Variants in AUTS2 observed in about 807,000 individuals in gnomAD.
The protein encoded by AUTS2 is activator of transcription and developmental regulator AUTS2, also known as autism susceptibility gene 2 protein.
A neutral mutation model predicts 112.4 loss-of-function variants in AUTS2; 17 were observed. The ratio of observed to expected loss-of-function variants is 0.15; its 90% CI spans 0.10 to 0.23. The LOEUF is 0.23. AUTS2 is among the 10% of genes least tolerant of loss of function. The pLI is 1.00. For missense variants in AUTS2, 1,510 were observed against 1,701.6 expected (o/e 0.89, Z 1.98); for synonymous variants, 751 against 702.7 (o/e 1.07, Z -1.09).
intron 5 of AUTS2, among the ~76,000 whole-genome samples, chr7:70,688,346 C>T (rs1808572605): frequency 6.6e-6 from 1 of 152,166 alleles, no homozygotes; most frequent in Admixed American, 6.5e-5. Flanking sequence ...GTTCAGAAGG[C>T]ATGGCTCGGG....
chr7:70,768,953 T>TCAA (rs1232566342), intron 10 of AUTS2, among the ~76,000 whole-genome samples: 2 of 148,898 alleles, frequency 1.3e-5, no homozygotes, highest in Admixed American at 6.8e-5. Flanking sequence ...TTCACCATAC[T>TCAA]CAACTGTTCT....
At chr7:70,401,910 G>C (rs946586035) in intron 4 of AUTS2, among the ~76,000 whole-genome samples, 27 of 152,346 alleles carry the variant, frequency 1.8e-4, no homozygotes, top group African/African-American at 6.5e-4. Flanking sequence ...ACAAAATCCA[G>C]TGTCTTTTGA....
At chr7:70,193,354 T>C (rs1810003874) in intron 4 of AUTS2, among the ~76,000 whole-genome samples, 1 of 152,172 alleles carries the variant, frequency 6.6e-6, no homozygotes, top group African/African-American at 2.4e-5. Flanking sequence ...AAAATGCAAA[T>C]AGATTTGTAT....
chr7:70,040,088 A>G (rs1801180161), intron 2 of AUTS2, among the ~76,000 whole-genome samples: 1 of 152,228 alleles, frequency 6.6e-6, no homozygotes, highest in Non-Finnish European at 1.5e-5. Context: ...ATGGATAGGC[A>G]GAGTGGAGAG....
intron 5 of AUTS2, among the ~76,000 whole-genome samples, chr7:70,639,167 G>A (rs1050691908): frequency 6.6e-6 from 1 of 152,170 alleles, no homozygotes; most frequent in Middle Eastern, 3.4e-3. Context: ...CCCCGCTGCC[G>A]CCGCCACCAC....
At chr7:70,049,520 G>A (rs1438026166) in intron 2 of AUTS2, among the ~76,000 whole-genome samples, 1 of 151,982 alleles carries the variant, frequency 6.6e-6, no homozygotes, top group Admixed American at 6.6e-5. Context: ...AGTAGGGACA[G>A]AGTTTCACTA....
At chr7:69,794,508 G>A (rs796456744) in intron 1 of AUTS2, among the ~76,000 whole-genome samples, 8 of 152,282 alleles carry the variant, frequency 5.3e-5, no homozygotes, top group African/African-American at 1.9e-4. Flanking sequence ...ACTAAGGACT[G>A]TACTTTATCT....
At chr7:70,335,973 A>AT (rs1378439534) in intron 4 of AUTS2, among the ~76,000 whole-genome samples, 1 of 152,220 alleles carries the variant, frequency 6.6e-6, no homozygotes, top group Non-Finnish European at 1.5e-5. Flanking sequence ...CAATTCTTTA[A>AT]TTGCAGCAAG....
intron 1 of AUTS2, among the ~76,000 whole-genome samples, chr7:69,647,670 TC>T (rs1795090374): frequency 6.6e-6 from 1 of 152,238 alleles, no homozygotes; most frequent in African/African-American, 2.4e-5. Flanking sequence ...TCAGTGCCAC[TC>T]TTAATAGAAG....
chr7:69,663,761 G>T (rs905291797), intron 1 of AUTS2, among the ~76,000 whole-genome samples: 2 of 152,122 alleles, frequency 1.3e-5, no homozygotes, highest in African/African-American at 4.8e-5. Context: ...CCAATCTGAA[G>T]GTATAGTGAT....
chr7:69,961,207 A>T (rs1233118162), intron 2 of AUTS2, among the ~76,000 whole-genome samples: 2 of 152,154 alleles, frequency 1.3e-5, no homozygotes, highest in Non-Finnish European at 2.9e-5. Flanking sequence ...TCTTGAATGT[A>T]ACTGGTAAGG....
chr7:69,782,615 G>A lies in AUTS2; in HGVS notation c.310-116671G>A, dbSNP rs553206759. ...CAAAGTCCCTGGTTGGTATGCACTC[G>A]AGAACTGAAAGATAATTTTCTTCTT... On this transcript the variant is annotated intron_variant, in intron 1 of 18. Transcript: ENST00000342771. Among the ~76,000 whole-genome samples, 7 of 151,944 alleles carry A rather than the reference G, an allele frequency of 4.6e-5. No individual in the cohort carries two copies. In the South Asian group the frequency reaches 8.3e-4, roughly 18 times the overall value.
rs1015912914 is a variant in AUTS2, at chr7:69,942,932, T to C, written c.522+43434T>C. On this transcript the variant is annotated intron_variant, in intron 2 of 18. Transcript: ENST00000342771. The stretch of plus-strand genomic sequence containing the variant: ...TCTGTATTTACTGACTAGAAAGATA[T>C]GGTTATCAAGTGCACTGATTGAAAA... 3.3e-5 allele frequency among the ~76,000 whole-genome samples: 5 copies of C among 152,352 alleles called. No homozygotes were observed. In the East Asian group the frequency reaches 9.6e-4, roughly 29 times the overall value.
chr7:69,758,363 A>T (rs1011521407), intron 1 of AUTS2, among the ~76,000 whole-genome samples: 44 of 152,176 alleles, frequency 2.9e-4, no homozygotes, highest in African/African-American at 1.0e-3. Flanking sequence ...AGCATTTTGG[A>T]TCAGTCACTT....
At chr7:70,653,820 G>C (rs917074872) in intron 5 of AUTS2, among the ~76,000 whole-genome samples, 45 of 152,170 alleles carry the variant, frequency 3.0e-4, no homozygotes, top group African/African-American at 1.0e-3. Flanking sequence ...TGGGCTCATG[G>C]GGACATTGTA....
At chr7:69,630,197 C>T (rs1395845415) in intron 1 of AUTS2, among the ~76,000 whole-genome samples, 1 of 152,118 alleles carries the variant, frequency 6.6e-6, no homozygotes, top group Non-Finnish European at 1.5e-5. Context: ...GCGGAGGTTG[C>T]AGTGAGCCGA....
chr7:69,613,123 A>G (rs1014799549), intron 1 of AUTS2, among the ~76,000 whole-genome samples: 3 of 152,218 alleles, frequency 2.0e-5, no homozygotes, highest in Non-Finnish European at 4.4e-5. Context: ...TCAGTATAAG[A>G]GAGGCAAGAA....
rs551833167 is a variant in AUTS2, at chr7:70,776,891, A to G, written c.1933-212A>G. ...TGTCAATGTGGTTTTCTGAGTAGCA[A>G]ACCCACGTGGGGAGAGAGGGGGAGC... On this transcript the variant is annotated intron_variant, in intron 13 of 18. Transcript: ENST00000342771. 2.5e-4 allele frequency: 149 copies of G among 591,758 alleles called. 1 individual carries two copies. The South Asian group carries it at 2.8e-3, about 11-fold the overall frequency. 36.7% of individuals were successfully genotyped at this position (591,758 alleles called of 1,614,324 possible).
At chr7:69,775,737 C>T (rs574145322) in intron 1 of AUTS2, among the ~76,000 whole-genome samples, 4 of 152,234 alleles carry the variant, frequency 2.6e-5, no homozygotes, top group African/African-American at 4.8e-5. Context: ...GTGTTTCCCA[C>T]GTGGGCCGGG....
Sources: gnomAD v4.1 joint callset for allele counts (sites outside exome capture counted in the v4.1 genomes callset) on GRCh38, gnomAD v4.1.1 for gene constraint, MANE v1.5 for transcripts, NCBI Gene and HGNC (gene_info 2026-07-23, HGNC 2026-07-21) for gene names.